Variants in KDM4C observed in about 807,000 individuals in gnomAD.
The protein encoded by KDM4C is lysine-specific demethylase 4C.
Under a neutral mutation model 129.3 loss-of-function variants are expected in KDM4C, and 81 were observed. The ratio of observed to expected loss-of-function variants is 0.63; its 90% confidence interval spans 0.52 to 0.75. The LOEUF (loss-of-function observed/expected upper bound fraction) is 0.75, where lower values mean the gene tolerates loss of function less well. KDM4C is among the 30% of genes least tolerant of loss of function. The pLI is 0.00. For missense variants in KDM4C, 1,457 were observed against 1,304.0 expected, an observed-to-expected ratio of 1.12 and a Z score of -1.81; for synonymous variants, 573 against 456.1, an observed-to-expected ratio of 1.26 and a Z score of -3.26.
rs377693370 is a variant in KDM4C, at chr9:7,152,961, G to A, written c.2782-12277G>A. Among the ~76,000 whole-genome samples, 70 of 152,226 alleles carry A rather than the reference G, an allele frequency of 4.6e-4. 1 individual carries two copies. The South Asian group carries it at 0.014, about 31-fold the overall frequency. On this transcript the variant is annotated intron_variant, in intron 19 of 21. Coordinates refer to ENST00000381309, the MANE Select transcript of KDM4C (RefSeq NM_015061.6). ...ATTAGTTTTAAAAATTAGAAGTACA[G>A]GGAAAAAACTCCAAATGTGGTGACA... is the stretch of plus-strand genomic sequence containing the variant.
intron 17 of KDM4C, among the ~76,000 whole-genome samples, chr9:7,067,703 A>G (rs1047468294): frequency 6.6e-6 from 1 of 152,228 alleles, no homozygotes; most frequent in Admixed American, 6.5e-5. Context: ...AAATATTTTT[A>G]AAAACCGAAG....
At position 6,984,402 on chromosome 9, in the gene KDM4C, C is replaced by T; in HGVS notation, c.1352C>T (p.Ser451Leu). 6.3e-7 allele frequency: 1 copy of T among 1,596,716 alleles called. No homozygotes were observed. The highest frequency in any genetic ancestry group is 8.6e-7 in the Non-Finnish European group (1 of 1,164,690). Residue 451 changes from serine to leucine, a missense_variant and splice_region_variant, in exon 10 of 22, where the codon TCA (serine) becomes TTA (leucine). By Grantham distance (145) the Ser-to-Leu change is moderately radical. Coordinates refer to ENST00000381309, the MANE Select transcript of KDM4C (RefSeq NM_015061.6). Reference sequence around the variant, plus strand: ...AATTTATCAGATCATATCAAACTCTCAGGTGAGAAGATGGTTGATTAGGTT... The same window carrying T: ...AATTTATCAGATCATATCAAACTCTTAGGTGAGAAGATGGTTGATTAGGTT... ...EQNLSDHIKL[S>L]GNSCLSTSVT... is the part of the protein sequence containing the mutation.
chr9:7,167,057 A>T (rs1006287708), intron 20 of KDM4C, among the ~76,000 whole-genome samples: 28 of 152,228 alleles, frequency 1.8e-4, no homozygotes, highest in Admixed American at 7.9e-4. Flanking sequence ...TATCCTAGGC[A>T]TATGCGTTTT....
chr9:7,029,861 G>A (rs1587050528), intron 15 of KDM4C, among the ~76,000 whole-genome samples: 1 of 152,114 alleles, frequency 6.6e-6, no homozygotes, highest in East Asian at 1.9e-4. Flanking sequence ...TGAGTTGCCT[G>A]GAATCTGTAC....
chr9:6,996,065 A>AC (rs1314425855), intron 12 of KDM4C, among the ~76,000 whole-genome samples: 14 of 152,232 alleles, frequency 9.2e-5, no homozygotes, highest in African/African-American at 3.4e-4. Flanking sequence ...CTTTAGTCTA[A>AC]CCATCACCTG....
At chr9:6,797,285 C>T (rs1219610402) in intron 2 of KDM4C, among the ~76,000 whole-genome samples, 2 of 152,124 alleles carry the variant, frequency 1.3e-5, no homozygotes, top group Non-Finnish European at 2.9e-5. Flanking sequence ...CTGTGCCTGG[C>T]CCGTTAATCC....
chr9:7,105,508 G>A (rs1311514479), intron 18 of KDM4C: 1 of 468,642 alleles, frequency 2.1e-6, no homozygotes, highest in Non-Finnish European at 4.4e-6. Flanking sequence ...CACGTGAGTA[G>A]TGTTTTTCCT....
chr9:6,952,425 A>G (rs943361212), intron 8 of KDM4C, among the ~76,000 whole-genome samples: 12 of 148,936 alleles, frequency 8.1e-5, no homozygotes, highest in Admixed American at 2.0e-4. Context: ...ATATATATAT[A>G]TATATAATAA....
intron 5 of KDM4C, among the ~76,000 whole-genome samples, chr9:6,851,004 C>T (rs1250505226): frequency 6.6e-6 from 1 of 152,190 alleles, no homozygotes; most frequent in Non-Finnish European, 1.5e-5. Flanking sequence ...AGCCACCCTC[C>T]TTGGCCTCCC....
chr9:6,844,832 T>G (rs939823425), intron 4 of KDM4C, among the ~76,000 whole-genome samples: 1 of 152,068 alleles, frequency 6.6e-6, no homozygotes, highest in Non-Finnish European at 1.5e-5. Context: ...GGATTACAGG[T>G]GTGTGCCACC....
intron 4 of KDM4C, among the ~76,000 whole-genome samples, chr9:6,826,947 A>C (rs1275875888): frequency 3.3e-5 from 5 of 152,158 alleles, no homozygotes. Flanking sequence ...GAAAGCAGAT[A>C]AATCTAATAT....
rs144248733 is a variant in KDM4C at position 6,923,493 on chromosome 9, T to C, written c.921+30261T>C. 4.0e-3 allele frequency among the ~76,000 whole-genome samples: 616 copies of C among 152,312 alleles called. 3 individuals are homozygous for C. Among genetic ancestry groups the C allele is most frequent in the African/African-American group, 0.013 (561 of 41,564 alleles). ...AATTGTATTCTTGGATTTATTTGAA[T>C]GAGTGAATGACTGAATGATTACAAT... is the stretch of plus-strand genomic sequence containing the variant. On this transcript the variant is annotated intron_variant, in intron 8 of 21. Coordinates refer to ENST00000381309, the MANE Select transcript of KDM4C (RefSeq NM_015061.6).
chr9:7,139,356 A>G (rs1841519438), intron 19 of KDM4C, among the ~76,000 whole-genome samples: 1 of 152,218 alleles, frequency 6.6e-6, no homozygotes. Context: ...TGAGTAACAG[A>G]TAATATTGAA....
chr9:6,868,081 A>G (rs939437243), intron 5 of KDM4C, among the ~76,000 whole-genome samples: 3 of 152,100 alleles, frequency 2.0e-5, no homozygotes, highest in Admixed American at 6.5e-5. Flanking sequence ...GCTGATATGG[A>G]TGAAATGTGT....
At chr9:6,738,786 A>G (rs1817602875) in intron 1 of KDM4C, among the ~76,000 whole-genome samples, 1 of 150,676 alleles carries the variant, frequency 6.6e-6, no homozygotes, top group Non-Finnish European at 1.5e-5. Flanking sequence ...TTTTTGAGAG[A>G]CAGGGTTTCA....
At chr9:6,943,946 T>G (rs1042080962) in intron 8 of KDM4C, among the ~76,000 whole-genome samples, 3 of 152,186 alleles carry the variant, frequency 2.0e-5, no homozygotes. Flanking sequence ...AGGAGATCAG[T>G]GTCAAACTCC....
chr9:7,015,162 G>A (rs1368876043), intron 14 of KDM4C, among the ~76,000 whole-genome samples: 2 of 152,020 alleles, frequency 1.3e-5, no homozygotes, highest in Non-Finnish European at 2.9e-5. Flanking sequence ...CATCTCAAAT[G>A]TTACAGAAAT....
At chr9:6,904,472 C>G (rs1269791888) in intron 8 of KDM4C, among the ~76,000 whole-genome samples, 1 of 149,730 alleles carries the variant, frequency 6.7e-6, no homozygotes, top group Admixed American at 6.7e-5. Context: ...TTGCACAGAT[C>G]TTGTTAACAA....
chr9:7,014,083 AG>A, intron 14 of KDM4C, 82 bp downstream of exon 14: 2 of 1,093,826 alleles, frequency 1.8e-6, no homozygotes, highest in Non-Finnish European at 2.7e-6. Context: ...GGAACCTGTC[AG>A]ATCTGTTGCA....
Sources: gnomAD v4.1 joint callset for allele counts (sites outside exome capture counted in the v4.1 genomes callset) on GRCh38, gnomAD v4.1.1 for gene constraint, MANE v1.5 for transcripts, NCBI Gene and HGNC (gene_info 2026-07-23, HGNC 2026-07-21) for gene names.